The following MORC3 variants were observed in gnomAD, a reference collection of about 807,000 sequenced individuals.
MORC3 encodes MORC family CW-type zinc finger protein 3.
MORC3 carries 31 observed loss-of-function variants against 109.1 expected under a neutral mutation model. That is an observed-to-expected ratio of 0.28 (90% confidence interval 0.21 to 0.38). The LOEUF (loss-of-function observed/expected upper bound fraction) is 0.38, where lower values mean the gene tolerates loss of function less well. Among genes scored for constraint, MORC3 ranks in the 10% least tolerant of loss-of-function variants. The pLI is 1.00. For synonymous variants in MORC3, 395 were observed against 380.7 expected, an observed-to-expected ratio of 1.04 and a Z score of -0.44; for missense variants, 867 against 1,135.8, an observed-to-expected ratio of 0.76 and a Z score of 3.40.
At chr21:36,333,495 C>G (rs1286702119) in intron 1 of MORC3, 151 bp from the exon 2 acceptor site, 1 of 634,610 alleles carries the variant, frequency 1.6e-6, no homozygotes, top group African/African-American at 1.8e-5. Flanking sequence ...ATCGTATATT[C>G]TAGATTGTAT....
At chr21:36,370,688 C>G (rs2085854963) in intron 15 of MORC3, among the ~76,000 whole-genome samples, 1 of 95,856 alleles carries the variant, frequency 1.0e-5, no homozygotes, top group African/African-American at 4.1e-5. Context: ...CTTCTTGAGA[C>G]AGAATTTCGC....
chr21:36,350,228 G>T (rs1318479451), intron 9 of MORC3, among the ~76,000 whole-genome samples: 1 of 152,048 alleles, frequency 6.6e-6, no homozygotes, highest in Non-Finnish European at 1.5e-5. Context: ...GATCATTTGA[G>T]CCTGGGAAGG....
intron 1 of MORC3, among the ~76,000 whole-genome samples, chr21:36,324,620 C>G (rs1455617780): frequency 6.6e-6 from 1 of 150,664 alleles, no homozygotes; most frequent in Non-Finnish European, 1.5e-5. Flanking sequence ...ACTGCATTAT[C>G]TCTATTTTCT....
At chr21:36,334,076 C>T (rs548062463) in intron 2 of MORC3, among the ~76,000 whole-genome samples, 12 of 152,050 alleles carry the variant, frequency 7.9e-5, no homozygotes, top group South Asian at 2.1e-4. Flanking sequence ...TGTGAGCCAC[C>T]GCACCCGGCC....
intron 1 of MORC3, among the ~76,000 whole-genome samples, chr21:36,323,219 C>T (rs931754233): frequency 6.6e-6 from 1 of 152,112 alleles, no homozygotes; most frequent in Middle Eastern, 3.2e-3. Flanking sequence ...GTCTCCATCT[C>T]ACATATCCTT....
chr21:36,362,260 T>TA (rs752778980), intron 13 of MORC3, 32 bp downstream of exon 13: 2 of 1,436,622 alleles, frequency 1.4e-6, no homozygotes, highest in South Asian at 1.2e-5. Context: ...TTTTTTTTTT[T>TA]AAATAGAGAT....
chr21:36,354,323 CTTTTTTTTTTT>C (rs144208712), intron 9 of MORC3, among the ~76,000 whole-genome samples: 1 of 113,654 alleles, frequency 8.8e-6, no homozygotes, highest in Non-Finnish European at 1.7e-5. Flanking sequence ...TTCTTTCTTT[CTTTTTTTTTTT>C]TTTTTTTGAG....
intron 1 of MORC3, among the ~76,000 whole-genome samples, chr21:36,323,940 A>G (rs1250939473): frequency 2.0e-5 from 3 of 150,712 alleles, no homozygotes; most frequent in Non-Finnish European, 4.4e-5. Context: ...CAAGGGCGTG[A>G]TCTCGGCTCA....
intron 2 of MORC3, among the ~76,000 whole-genome samples, chr21:36,335,558 C>T (rs1199704028): frequency 6.6e-6 from 1 of 151,994 alleles, no homozygotes; most frequent in African/African-American, 2.4e-5. Flanking sequence ...TCAGGTGATC[C>T]ACCCACCTCT....
chr21:36,338,482 T>G (rs2085398181), intron 4 of MORC3, among the ~76,000 whole-genome samples: 1 of 152,062 alleles, frequency 6.6e-6, no homozygotes, highest in South Asian at 2.1e-4. Flanking sequence ...GAGCCCGGAA[T>G]TTTGAGACCA....
intron 15 of MORC3, among the ~76,000 whole-genome samples, chr21:36,370,527 T>C (rs2146342355): frequency 6.6e-6 from 1 of 150,536 alleles, no homozygotes; most frequent in South Asian, 2.1e-4. Context: ...TATGGAGTCA[T>C]TCATTTTTCT....
At chr21:36,320,582 C>G (rs1397950976) in intron 1 of MORC3, 2 of 317,778 alleles carry the variant, frequency 6.3e-6, no homozygotes, top group Admixed American at 5.0e-5. Context: ...CTCCCAGCAG[C>G]TGTCGTCCGC....
chr21:36,324,284 T>G (rs893876242), intron 1 of MORC3, among the ~76,000 whole-genome samples: 1 of 151,960 alleles, frequency 6.6e-6, no homozygotes, highest in Non-Finnish European at 1.5e-5. Context: ...TGTAGTTTTT[T>G]TTTTTTTTGA....
intron 5 of MORC3, among the ~76,000 whole-genome samples, chr21:36,340,002 G>A (rs2085422524): frequency 1.3e-5 from 2 of 152,196 alleles, no homozygotes; most frequent in Admixed American, 1.3e-4. Context: ...AGTACAGCCA[G>A]GCACACTGGC....
intron 3 of MORC3, among the ~76,000 whole-genome samples, chr21:36,337,343 A>G (rs1167446464): frequency 1.3e-5 from 2 of 152,150 alleles, no homozygotes; most frequent in African/African-American, 4.8e-5. Flanking sequence ...CTTTTAGAGG[A>G]AGAGATTCAT....
At chr21:36,351,198 G>C (rs572387097) in intron 9 of MORC3, among the ~76,000 whole-genome samples, 1 of 150,758 alleles carries the variant, frequency 6.6e-6, no homozygotes, top group South Asian at 2.1e-4. Flanking sequence ...CTCCCGAGTA[G>C]CTGGGACTAC....
At chr21:36,321,196 T>C (rs2085190378) in intron 1 of MORC3, among the ~76,000 whole-genome samples, 1 of 152,248 alleles carries the variant, frequency 6.6e-6, no homozygotes, top group Non-Finnish European at 1.5e-5. Flanking sequence ...TGCATTGCTC[T>C]GGGACTTTCA....
chr21:36,325,542 G>A lies in MORC3; in HGVS notation c.39+5239G>A, dbSNP rs928914197. ...GTGCTAAGTACATTCACATGGTTGT[G>A]TAATAACCAGTCTCCAGAACTCTTC... is the stretch of plus-strand genomic sequence containing the variant. On this transcript the variant is annotated intron_variant, in intron 1 of 16. Transcript: ENST00000400485. 3.3e-5 allele frequency among the ~76,000 whole-genome samples: 5 copies of A among 152,194 alleles called. No individual in the cohort carries two copies. In the East Asian group the frequency reaches 5.8e-4, roughly 18 times the overall value.
intron 15 of MORC3, 55 bp downstream of exon 15, chr21:36,369,931 A>C: frequency 6.4e-7 from 1 of 1,563,992 alleles, no homozygotes; most frequent in South Asian, 1.2e-5. Context: ...TTAAACCTTA[A>C]GAAGCTGCCA....
Sources: gnomAD v4.1 joint callset for allele counts (sites outside exome capture counted in the v4.1 genomes callset) on GRCh38, gnomAD v4.1.1 for gene constraint, MANE v1.5 for transcripts, NCBI Gene and HGNC (gene_info 2026-07-23, HGNC 2026-07-21) for gene names.